The following SRSF12 variants were observed in gnomAD, a reference collection of about 807,000 sequenced individuals.
The protein encoded by SRSF12 is serine and arginine rich splicing factor 12, also known as serine/arginine-rich splicing factor 12.
Under a neutral mutation model 34.1 loss-of-function variants are expected in SRSF12, and 21 were observed. The ratio of observed to expected loss-of-function variants is 0.62; its 90% CI spans 0.44 to 0.89. The LOEUF is 0.89. Ranked by LOEUF, SRSF12 falls within the 40% of genes least tolerant of loss-of-function variation. SRSF12 has a pLI of 0.00. For missense variants in SRSF12, 278 were observed against 327.8 expected (o/e 0.85, Z 1.17); for synonymous variants, 111 against 110.8 (o/e 1.00, Z -0.01).
intron 2 of SRSF12, 175 bp downstream of exon 2, chr6:89,106,979 G>A (rs760815485): frequency 1.4e-6 from 1 of 690,232 alleles, no homozygotes; most frequent in South Asian, 1.5e-5. Flanking sequence ...TAACAGGTTG[G>A]TTCAAACTGG....
chr6:89,096,972 G>A lies in SRSF12; in HGVS notation c.*1606C>T, dbSNP rs1279856780. The A allele has an allele frequency of 1.3e-5, 2 of 152,152 alleles. No individual in the cohort carries two copies. Among genetic ancestry groups the A allele is most frequent in the African/African-American group, 4.8e-5 (2 of 41,426 alleles). 9.4% of individuals were successfully genotyped at this position (152,152 alleles called of 1,614,324 possible). On this transcript the variant is annotated 3_prime_UTR_variant, in exon 5 of 5. Transcript: ENST00000452027. ...TAGCGGAATAATTCAAAGAGTTGTA[G>A]TTTTGAAATAAATTTTGCTATGATT...
rs1768277475 is a variant in SRSF12 at position 89,096,008 on chromosome 6, G to A, written c.*2570C>T. ...AATAAACAAAGTATCTCTCTTAAAT[G>A]GGCCAAGAAACAATTCTATGACAAA... On this transcript the variant is annotated 3_prime_UTR_variant, in exon 5 of 5. Transcript: ENST00000452027. 1 of 152,066 alleles carries A rather than the reference G, an allele frequency of 6.6e-6. No individual in the cohort carries two copies. Among genetic ancestry groups the A allele is most frequent in the Admixed American group, 6.6e-5 (1 of 15,260 alleles). The allele number at this position is 152,066 out of a possible 1,614,324, so 9.4% of individuals were successfully genotyped here.
Position 89,117,916 on chromosome 6 carries a change from G to C in SRSF12, c.-29C>G. The C allele has an allele frequency of 6.5e-7, 1 of 1,549,392 alleles. No homozygotes were observed. The stretch of plus-strand genomic sequence containing the variant: ...CGCTTCCTCCGTTCCCTCCGGGTCT[G>C]CCCGCGGCCGCTGGACTCGCTCCGT... On this transcript the variant is annotated 5_prime_UTR_variant, in exon 1 of 5. Coordinates refer to ENST00000452027, the MANE Select transcript of SRSF12 (RefSeq NM_080743.5).
chr6:89,104,417 T>C (rs1768690195), intron 4 of SRSF12, among the ~76,000 whole-genome samples: 1 of 151,790 alleles, frequency 6.6e-6, no homozygotes, highest in Non-Finnish European at 1.5e-5. Context: ...TTTGTATTTT[T>C]AGTAGAGGCG....
rs1769393899 is a variant in SRSF12 at position 89,117,944 on chromosome 6, C to G, written c.-57G>C. 1.3e-6 allele frequency: 2 copies of G among 1,509,226 alleles called. No individual in the cohort carries two copies. Among genetic ancestry groups the G allele is most frequent in the Non-Finnish European group, 1.8e-6 (2 of 1,125,272 alleles). 93.5% of individuals were successfully genotyped at this position (1,509,226 alleles called of 1,614,324 possible). On this transcript the variant is annotated 5_prime_UTR_variant, in exon 1 of 5. Coordinates refer to ENST00000452027, the MANE Select transcript of SRSF12 (RefSeq NM_080743.5). ...CGCGGCCGCTGGACTCGCTCCGTCT[C>G]CCGCTACCGCTGCTACCACCACAGG...
intron 1 of SRSF12, among the ~76,000 whole-genome samples, chr6:89,114,747 A>C (rs1769212929): frequency 6.6e-6 from 1 of 152,228 alleles, no homozygotes; most frequent in Non-Finnish European, 1.5e-5. Flanking sequence ...CATGACGTTT[A>C]AACATTTTTA....
chr6:89,105,682 C>T lies in SRSF12; in HGVS notation c.171-152G>A, dbSNP rs553448536. ...ATAATATGAATAATCAGAAAAAAAA[C>T]TTTCACTTTTTCTCATGAAAACAAA... On this transcript the variant is annotated intron_variant, in intron 2 of 4. Coordinates refer to ENST00000452027, the MANE Select transcript of SRSF12 (RefSeq NM_080743.5). The T allele has an allele frequency of 5.5e-5, 28 of 511,844 alleles. No homozygotes were observed. In the South Asian group the frequency reaches 9.8e-4, roughly 18 times the overall value. 31.7% of individuals were successfully genotyped at this position (511,844 alleles called of 1,614,324 possible).
In SRSF12 at chr6:89,096,993, T is replaced by C. The variant is rs868712815; in HGVS notation, c.*1585A>G. The C allele has an allele frequency of 1.3e-5, 2 of 152,224 alleles. No individual in the cohort carries two copies. Among genetic ancestry groups the C allele is most frequent in the East Asian group, 1.9e-4 (1 of 5,202 alleles). 9.4% of individuals were successfully genotyped at this position (152,224 alleles called of 1,614,324 possible). On this transcript the variant is annotated 3_prime_UTR_variant, in exon 5 of 5. Transcript: ENST00000452027. ...TGTAGTTTTGAAATAAATTTTGCTATGATTAGAGAAAATCTATTCAGAAAG... is the reference window on the plus strand; with the variant it reads ...TGTAGTTTTGAAATAAATTTTGCTACGATTAGAGAAAATCTATTCAGAAAG...
chr6:89,113,307 G>T (rs940948762), intron 1 of SRSF12, among the ~76,000 whole-genome samples: 1 of 152,054 alleles, frequency 6.6e-6, no homozygotes, highest in Non-Finnish European at 1.5e-5. Flanking sequence ...CCTAGTAGCT[G>T]GGACTACAGG....
At chr6:89,116,447 T>C (rs1481419954) in intron 1 of SRSF12, among the ~76,000 whole-genome samples, 1 of 152,184 alleles carries the variant, frequency 6.6e-6, no homozygotes, top group Non-Finnish European at 1.5e-5. Flanking sequence ...AACCACAACA[T>C]ATAGTTGTGA....
intron 1 of SRSF12, among the ~76,000 whole-genome samples, chr6:89,111,525 TA>T (rs1769049016): frequency 6.6e-6 from 1 of 152,170 alleles, no homozygotes; most frequent in Admixed American, 6.5e-5. Context: ...TTACTAAACT[TA>T]TTAGTTCTAG....
chr6:89,103,628 G>T (rs982551758), intron 4 of SRSF12, among the ~76,000 whole-genome samples: 12 of 151,968 alleles, frequency 7.9e-5, no homozygotes, highest in African/African-American at 2.9e-4. Flanking sequence ...ACTGCGCCTG[G>T]CCTGAATTTT....
At chr6:89,117,623 C>A (rs532163141) in intron 1 of SRSF12, among the ~76,000 whole-genome samples, 200 bp downstream of exon 1, 9 of 152,194 alleles carry the variant, frequency 5.9e-5, no homozygotes, top group African/African-American at 2.4e-5. Context: ...GAAAGCTGGC[C>A]GGGAGGGCGG....
At chr6:89,106,204 C>T (rs1768774553) in intron 2 of SRSF12, among the ~76,000 whole-genome samples, 1 of 152,062 alleles carries the variant, frequency 6.6e-6, no homozygotes. Flanking sequence ...CACTGTAAGC[C>T]CAGGTTCAAG....
At position 89,097,093 on chromosome 6, in the gene SRSF12, C is replaced by T. The variant is rs1226501729; in HGVS notation, c.*1485G>A. On this transcript the variant is annotated 3_prime_UTR_variant, in exon 5 of 5. Transcript: ENST00000452027. ...AATTATTGTTTAAGGTTGTTTCTTA[C>T]ATATGGGATCTAATATGCAAAGAAA... 6.6e-6 allele frequency: 1 copy of T among 152,054 alleles called. No individual in the cohort carries two copies. The allele number at this position is 152,054 out of a possible 1,614,324, so 9.4% of individuals were successfully genotyped here.
chr6:89,107,301 G>T (rs1255669538), intron 1 of SRSF12, 43 bp from the exon 2 acceptor site: 4 of 1,485,778 alleles, frequency 2.7e-6, no homozygotes, highest in Middle Eastern at 1.8e-4. Context: ...TGAATAGCTG[G>T]ATTAAAATAT....
At chr6:89,113,470 C>A (rs554120158) in intron 1 of SRSF12, among the ~76,000 whole-genome samples, 1 of 152,084 alleles carries the variant, frequency 6.6e-6, no homozygotes, top group Admixed American at 6.6e-5. Context: ...CCGCACCCAG[C>A]CCAATTTTTT....
intron 1 of SRSF12, among the ~76,000 whole-genome samples, 187 bp downstream of exon 1, chr6:89,117,636 G>T (rs1369324149): frequency 1.3e-5 from 2 of 152,056 alleles, no homozygotes; most frequent in Non-Finnish European, 2.9e-5. Flanking sequence ...GAGGGCGGAG[G>T]CGCGAGTTCC....
chr6:89,117,943 TC>T lies in SRSF12; in HGVS notation c.-57del, dbSNP rs1412222444. On this transcript the variant is annotated 5_prime_UTR_variant, in exon 1 of 5. Coordinates refer to ENST00000452027, the MANE Select transcript of SRSF12 (RefSeq NM_080743.5). ...CCGCGGCCGCTGGACTCGCTCCGTC[TC>T]CCGCTACCGCTGCTACCACCACAGG... is the stretch of plus-strand genomic sequence containing the variant. The T allele has an allele frequency of 6.6e-6, 10 of 1,510,468 alleles. No homozygotes were observed. The East Asian group carries it at 2.9e-4, about 43-fold the overall frequency. The allele number at this position is 1,510,468 out of a possible 1,614,324, so 93.6% of individuals were successfully genotyped here.
Sources: gnomAD v4.1 joint callset for allele counts (sites outside exome capture counted in the v4.1 genomes callset) on GRCh38, gnomAD v4.1.1 for gene constraint, MANE v1.5 for transcripts, NCBI Gene and HGNC (gene_info 2026-07-23, HGNC 2026-07-21) for gene names.